PARD3: variants seen among roughly 807,000 people sequenced by gnomAD.
PARD3 encodes par-3 family cell polarity regulator, also known as partitioning defective 3 homolog.
Under a neutral mutation model 155.4 loss-of-function variants are expected in PARD3, and 75 were observed. The observed-to-expected ratio is 0.48, with a 90% confidence interval of 0.40 to 0.58. The LOEUF (loss-of-function observed/expected upper bound fraction) is 0.58, where lower values mean the gene tolerates loss of function less well. Among genes scored for constraint, PARD3 ranks in the 20% least tolerant of loss-of-function variants. PARD3 has a pLI of 0.00. For synonymous variants in PARD3, 576 were observed against 610.5 expected (o/e 0.94, Z 0.83); for missense variants, 1,642 against 1,721.7 (o/e 0.95, Z 0.82).
intron 2 of PARD3, among the ~76,000 whole-genome samples, chr10:34,527,584 A>G (rs1338922074): frequency 1.3e-5 from 2 of 152,206 alleles, no homozygotes; most frequent in South Asian, 2.1e-4. Flanking sequence ...TTTATTTTCA[A>G]ATTAAGATAT....
At chr10:34,705,242 A>C (rs994099417) in intron 1 of PARD3, among the ~76,000 whole-genome samples, 1 of 152,144 alleles carries the variant, frequency 6.6e-6, no homozygotes, top group Non-Finnish European at 1.5e-5. Flanking sequence ...AGGCAGGAGG[A>C]TTGCTTGAGC....
At chr10:34,343,303 C>T in intron 15 of PARD3, 1 of 932,800 alleles carries the variant, frequency 1.1e-6, no homozygotes, top group Non-Finnish European at 1.3e-6. Context: ...CATTTTTAAA[C>T]ACAAAACTAA....
chr10:34,530,090 G>A (rs760389907), intron 2 of PARD3, among the ~76,000 whole-genome samples: 5 of 152,044 alleles, frequency 3.3e-5, no homozygotes, highest in Admixed American at 2.0e-4. Flanking sequence ...GGTCTTCATC[G>A]TCATCATCTT....
At chr10:34,112,616 C>A (rs964846583) in intron 24 of PARD3, among the ~76,000 whole-genome samples, 1 of 152,146 alleles carries the variant, frequency 6.6e-6, no homozygotes, top group African/African-American at 2.4e-5. Flanking sequence ...TATTGCTCAA[C>A]CCTCTCCATC....
chr10:34,797,161 G>C (rs1404438937), intron 1 of PARD3, among the ~76,000 whole-genome samples: 1 of 152,158 alleles, frequency 6.6e-6, no homozygotes. Flanking sequence ...AAGGAGCTAA[G>C]TAAGTGGTTA....
At chr10:34,317,896 A>G (rs771639217) in intron 19 of PARD3, among the ~76,000 whole-genome samples, 7 of 152,156 alleles carry the variant, frequency 4.6e-5, no homozygotes, top group Non-Finnish European at 7.4e-5. Flanking sequence ...TATATCTACA[A>G]CAGATCTGCA....
chr10:34,210,416 AT>A (rs1479908847), intron 22 of PARD3, among the ~76,000 whole-genome samples: 1 of 152,112 alleles, frequency 6.6e-6, no homozygotes, highest in Non-Finnish European at 1.5e-5. Context: ...TGGTTGAGAC[AT>A]TTGGTGGGCA....
intron 2 of PARD3, among the ~76,000 whole-genome samples, chr10:34,640,647 T>C (rs1414754643): frequency 7.8e-6 from 1 of 127,954 alleles, no homozygotes; most frequent in East Asian, 2.5e-4. Context: ...AGGTGGAGGC[T>C]GTGGTGAGCC....
At chr10:34,574,477 T>G (rs1459153330) in intron 2 of PARD3, among the ~76,000 whole-genome samples, 1 of 152,120 alleles carries the variant, frequency 6.6e-6, no homozygotes, top group Non-Finnish European at 1.5e-5. Context: ...AGCATGGAAA[T>G]CCTCCACATT....
intron 18 of PARD3, among the ~76,000 whole-genome samples, chr10:34,331,797 A>G (rs925047606): frequency 6.6e-6 from 1 of 152,132 alleles, no homozygotes; most frequent in Non-Finnish European, 1.5e-5. Context: ...CAGAAGCTAG[A>G]CATGCACATC....
At chr10:34,469,960 G>A (rs1453894142) in intron 4 of PARD3, 125 bp downstream of exon 4, 8 of 644,790 alleles carry the variant, frequency 1.2e-5, no homozygotes, top group Middle Eastern at 4.4e-4. Context: ...TTGGTACCAC[G>A]CTCACAAAAG....
At chr10:34,509,919 C>G (rs541320332) in intron 3 of PARD3, among the ~76,000 whole-genome samples, 1 of 152,312 alleles carries the variant, frequency 6.6e-6, no homozygotes, top group South Asian at 2.1e-4. Context: ...ACATAAATCC[C>G]TCTGGATAAC....
intron 5 of PARD3, among the ~76,000 whole-genome samples, chr10:34,423,789 G>A (rs1001755395): frequency 3.3e-5 from 5 of 152,022 alleles, no homozygotes; most frequent in Admixed American, 6.6e-5. Flanking sequence ...AAGTAGTTAC[G>A]TCAAATTATG....
intron 5 of PARD3, among the ~76,000 whole-genome samples, chr10:34,405,290 T>C (rs1844341414): frequency 6.6e-6 from 1 of 152,088 alleles, no homozygotes; most frequent in South Asian, 2.1e-4. Flanking sequence ...CGATAAATCT[T>C]TTAGGGCAAT....
At position 34,575,999 on chromosome 10, in the gene PARD3, A is replaced by G. The variant is rs192459487; in HGVS notation, c.223-58840T>C. 7.9e-4 allele frequency among the ~76,000 whole-genome samples: 120 copies of G among 152,308 alleles called. 1 individual carries two copies. Among genetic ancestry groups the G allele is most frequent in the African/African-American group, 2.7e-3 (114 of 41,570 alleles). On this transcript the variant is annotated intron_variant, in intron 2 of 24. Coordinates refer to ENST00000374788, the MANE Select transcript of PARD3 (RefSeq NM_001184785.2). Reference sequence around the variant, plus strand: ...ATAGGCTTAGCCATCTTTCTTTTCTACTGACTCATAAGAACGAGTCAGGGA... The same window carrying G: ...ATAGGCTTAGCCATCTTTCTTTTCTGCTGACTCATAAGAACGAGTCAGGGA...
At chr10:34,313,598 C>T (rs926004961) in intron 20 of PARD3, among the ~76,000 whole-genome samples, 3 of 152,178 alleles carry the variant, frequency 2.0e-5, no homozygotes, top group Non-Finnish European at 2.9e-5. Context: ...GAAAACCATG[C>T]TGTCTGTATA....
intron 2 of PARD3, among the ~76,000 whole-genome samples, chr10:34,525,852 GTAGGTAGATCA>G (rs2082439435): frequency 6.6e-6 from 1 of 151,968 alleles, no homozygotes; most frequent in Admixed American, 6.6e-5. Context: ...GGAGGTAGAG[GTAGGTAGATCA>G]TGAGGTCAAG....
At chr10:34,552,755 A>G (rs1181595248) in intron 2 of PARD3, among the ~76,000 whole-genome samples, 1 of 152,138 alleles carries the variant, frequency 6.6e-6, no homozygotes, top group Non-Finnish European at 1.5e-5. Context: ...CCAGAATCTA[A>G]TTTTTAACTA....
Position 34,750,595 on chromosome 10 carries a change from G to GCA in PARD3, c.121-54178_121-54177dup, listed in dbSNP as rs369748463. On this transcript the variant is annotated intron_variant, in intron 1 of 24. Transcript: ENST00000374788. ...ACAGGAGAGGAGTGAGGAGTTAGGG[G>GCA]CAGGGAGCCTTATTTCTTCTCTGAA... Among the ~76,000 whole-genome samples, 442 of 152,102 alleles carry GCA rather than the reference G, an allele frequency of 2.9e-3. 2 individuals carry two copies. Among genetic ancestry groups the GCA allele is most frequent in the African/African-American group, 0.01 (419 of 41,474 alleles).
Sources: gnomAD v4.1 joint callset for allele counts (sites outside exome capture counted in the v4.1 genomes callset) on GRCh38, gnomAD v4.1.1 for gene constraint, MANE v1.5 for transcripts, NCBI Gene and HGNC (gene_info 2026-07-23, HGNC 2026-07-21) for gene names.